RTL9: variants seen among roughly 807,000 people sequenced by gnomAD.
RTL9 encodes retrotransposon Gag-like protein 9.
RTL9 carries 19 observed loss-of-function variants against 44.7 expected under a neutral mutation model. The observed-to-expected ratio is 0.42, with a 90% CI of 0.30 to 0.62. The LOEUF (loss-of-function observed/expected upper bound fraction) is 0.62, where lower values mean the gene tolerates loss of function less well. RTL9 is among the 20% of genes least tolerant of loss of function. The pLI is 0.16. For missense variants in RTL9, 1,105 were observed against 1,080.6 expected, an observed-to-expected ratio of 1.02 and a Z score of -0.32; for synonymous variants, 407 against 398.9, an observed-to-expected ratio of 1.02 and a Z score of -0.24.
At chrX:110,452,302 C>T (rs1375996699) in exon 1 of RTL9, 13 of 1,209,475 alleles carry the variant, frequency 1.1e-5, no homozygotes, top group South Asian at 1.8e-5. Flanking sequence ...TCAGGATTGA[C>T]ATCTGCAGCA....
intron 1 of RTL9, among the ~76,000 whole-genome samples, chrX:110,409,387 T>C (rs1202717719): frequency 9.0e-6 from 1 of 110,873 alleles, no homozygotes; most frequent in Non-Finnish European, 1.9e-5. Flanking sequence ...GTGAAGAGAG[T>C]TGTGTTTACA....
intron 1 of RTL9, among the ~76,000 whole-genome samples, chrX:110,428,675 T>G (rs1031127996): frequency 3.6e-5 from 4 of 111,128 alleles, no homozygotes; most frequent in African/African-American, 1.3e-4. Flanking sequence ...CTTTCAGTCA[T>G]TCCTCATTGT....
chrX:110,422,952 G>C (rs1009260027), intron 1 of RTL9, among the ~76,000 whole-genome samples: 1 of 112,244 alleles, frequency 8.9e-6, no homozygotes, highest in African/African-American at 3.2e-5. Context: ...GCAAAGAACA[G>C]AAAGAGGAGA....
chrX:110,455,413 C>T, exon 2 of RTL9: 1 of 1,075,237 alleles, frequency 9.3e-7, no homozygotes, highest in Non-Finnish European at 1.3e-6. Flanking sequence ...CATTATAAAC[C>T]TTGTTGCCTT....
At chrX:110,426,658 C>T (rs1228679759) in intron 1 of RTL9, 1 of 111,891 alleles carries the variant, frequency 8.9e-6, no homozygotes, top group Non-Finnish European at 1.9e-5. Context: ...GTAAACATAC[C>T]TAGAGTAATT....
intron 1 of RTL9, among the ~76,000 whole-genome samples, chrX:110,412,813 A>C (rs902906487): frequency 2.7e-5 from 3 of 112,365 alleles, no homozygotes; most frequent in Non-Finnish European, 5.6e-5. Context: ...GATTTTTGTT[A>C]AGGGTATTAT....
At chrX:110,452,056 C>T (rs1437824052) in exon 1 of RTL9, 1 of 1,209,545 alleles carries the variant, frequency 8.3e-7, no homozygotes, top group African/African-American at 1.8e-5. Context: ...CCCACAGGCT[C>T]TATGAAAGCC....
intron 1 of RTL9, among the ~76,000 whole-genome samples, chrX:110,383,187 G>A (rs1208493422): frequency 9.0e-6 from 1 of 111,607 alleles, no homozygotes; most frequent in Non-Finnish European, 1.9e-5. Flanking sequence ...GATTGGAGAA[G>A]GCTATCTGTC....
upstream of RTL9, among the ~76,000 whole-genome samples, chrX:110,418,260 T>C (rs1457641175): frequency 8.9e-6 from 1 of 112,348 alleles, no homozygotes; most frequent in African/African-American, 3.2e-5. Flanking sequence ...TCTTATTTTT[T>C]TAATTAAGAG....
chrX:110,400,088 A>G (rs2068553953), intron 1 of RTL9, among the ~76,000 whole-genome samples: 1 of 109,961 alleles, frequency 9.1e-6, no homozygotes, highest in Non-Finnish European at 1.9e-5. Flanking sequence ...AGATGCTGTA[A>G]TCTTCCTCCC....
At chrX:110,416,966 G>A (rs1186016301), upstream of RTL9, among the ~76,000 whole-genome samples, 2 of 112,161 alleles carry the variant, frequency 1.8e-5, no homozygotes, top group African/African-American at 3.2e-5. Context: ...TCCAATTTTC[G>A]GTTTTTGGGG....
exon 1 of RTL9, chrX:110,453,538 A>G (rs1468314272): frequency 8.3e-7 from 1 of 1,211,468 alleles, no homozygotes; most frequent in Non-Finnish European, 1.1e-6. Context: ...GCTTCTGGAG[A>G]GATGTCTATG....
chrX:110,433,074 GCTGCTGCTGT>G (rs1441005899), intron 1 of RTL9, among the ~76,000 whole-genome samples: 2 of 112,610 alleles, frequency 1.8e-5, no homozygotes, highest in East Asian at 5.6e-4. Context: ...GGTGGCTCCA[GCTGCTGCTGT>G]CTGTGAGCTC....
At chrX:110,446,770 A>G, upstream of RTL9, among the ~76,000 whole-genome samples, 1 of 111,751 alleles carries the variant, frequency 8.9e-6, no homozygotes, top group East Asian at 2.8e-4. Context: ...GGCTGCTACA[A>G]TTGCACCATG....
intron 1 of RTL9, among the ~76,000 whole-genome samples, chrX:110,398,201 T>A (rs2068541165): frequency 8.9e-6 from 1 of 112,152 alleles, no homozygotes; most frequent in Middle Eastern, 4.2e-3. Context: ...GCAGCCAGGC[T>A]CTGAACTGCA....
At chrX:110,418,278 T>C (rs2068692273), upstream of RTL9, among the ~76,000 whole-genome samples, 1 of 112,427 alleles carries the variant, frequency 8.9e-6, no homozygotes, top group Non-Finnish European at 1.9e-5. Context: ...GAGCAGGTAC[T>C]CTGCCCCAAA....
At chrX:110,382,661 G>T (rs992416516) in intron 1 of RTL9, among the ~76,000 whole-genome samples, 4 of 111,264 alleles carry the variant, frequency 3.6e-5, no homozygotes, top group African/African-American at 1.3e-4. Flanking sequence ...CAAATTAGTG[G>T]GTTATCTCTT....
Position 110,442,380 on chromosome X carries a change from C to T in RTL9, c.-167-2773C>T, listed in dbSNP as rs766885370. On this transcript the variant is annotated intron_variant, in intron 1 of 3. Transcript: ENST00000465301. ...TTTAAAAAATGTTTAAAACGTTGTA[C>T]GGGTCAAATAAACTCTGTCTGCAGT... is the stretch of plus-strand genomic sequence containing the variant. 5.5e-5 allele frequency among the ~76,000 whole-genome samples: 6 copies of T among 109,999 alleles called. No individual in the cohort carries two copies. The East Asian group carries it at 1.1e-3, about 21-fold the overall frequency.
intron 1 of RTL9, among the ~76,000 whole-genome samples, chrX:110,389,204 T>C (rs190191578): frequency 8.9e-6 from 1 of 112,777 alleles, no homozygotes; most frequent in African/African-American, 3.2e-5. Flanking sequence ...TCCAAGGAAA[T>C]ATAGAATATG....
Sources: allele counts gnomAD v4.1 joint callset (sites outside exome capture counted in the v4.1 genomes callset), GRCh38; gene constraint gnomAD v4.1.1; transcripts MANE v1.5; gene names NCBI Gene and HGNC (gene_info 2026-07-23, HGNC 2026-07-21).